CADM2: variants seen among roughly 807,000 people sequenced by gnomAD.
The protein encoded by CADM2 is cell adhesion molecule 2, also known as immunoglobulin superfamily member 4D.
In CADM2, 12 loss-of-function variants were observed where a neutral mutation model predicts 49.8. The observed-to-expected ratio is 0.24, with a 90% CI of 0.15 to 0.39. The LOEUF is 0.39. Ranked by LOEUF, CADM2 falls within the 10% of genes least tolerant of loss-of-function variation. CADM2 has a pLI of 1.00. For missense variants in CADM2, 378 were observed against 492.3 expected (o/e 0.77, Z 2.20); for synonymous variants, 214 against 175.4 (o/e 1.22, Z -1.74).
intron 1 of CADM2, among the ~76,000 whole-genome samples, chr3:85,375,962 C>T (rs1331117795): frequency 6.6e-6 from 1 of 152,070 alleles, no homozygotes; most frequent in Non-Finnish European, 1.5e-5. Context: ...AACCTAATAA[C>T]TAATAGTCAC....
intron 1 of CADM2, among the ~76,000 whole-genome samples, chr3:85,223,910 T>C (rs769829609): frequency 3.9e-5 from 6 of 152,192 alleles, no homozygotes; most frequent in Non-Finnish European, 7.3e-5. Context: ...GCTTCATCCA[T>C]GTCCCTGCAA....
chr3:85,233,705 T>G (rs2042350501), intron 1 of CADM2, among the ~76,000 whole-genome samples: 1 of 152,160 alleles, frequency 6.6e-6, no homozygotes, highest in South Asian at 2.1e-4. Context: ...TTATTTTTCT[T>G]TTGTTTATAA....
intron 1 of CADM2, among the ~76,000 whole-genome samples, chr3:85,102,777 G>A (rs765430622): frequency 8.6e-5 from 13 of 151,998 alleles, no homozygotes; most frequent in Non-Finnish European, 1.8e-4. Context: ...ATAAACTATC[G>A]AGAACTTCAG....
intron 3 of CADM2, among the ~76,000 whole-genome samples, chr3:85,860,177 T>A (rs1250207446): frequency 6.6e-6 from 1 of 152,176 alleles, no homozygotes; most frequent in African/African-American, 2.4e-5. Context: ...GGATACTATT[T>A]ACATACTTAG....
chr3:85,247,396 G>A (rs2042674354), intron 1 of CADM2, among the ~76,000 whole-genome samples: 1 of 152,068 alleles, frequency 6.6e-6, no homozygotes, highest in Admixed American at 6.6e-5. Flanking sequence ...CAGCATAACT[G>A]TTGTTTTAAG....
Position 85,518,158 on chromosome 3 carries a change from G to A in CADM2, c.62-208364G>A, listed in dbSNP as rs2060947953. 2.0e-5 allele frequency among the ~76,000 whole-genome samples: 3 copies of A among 152,062 alleles called. No individual in the cohort carries two copies. The South Asian group carries it at 6.2e-4, about 32-fold the overall frequency. On this transcript the variant is annotated intron_variant, in intron 1 of 9. Coordinates refer to ENST00000383699, the MANE Select transcript of CADM2 (RefSeq NM_001167675.2). ...GGTGCGCACCACCATACCTGCCTAA[G>A]TTTCATATTTTTAGTAGAGATGGGT... is the stretch of plus-strand genomic sequence containing the variant.
chr3:85,918,567 T>C (rs988310857), intron 6 of CADM2, among the ~76,000 whole-genome samples: 2 of 152,176 alleles, frequency 1.3e-5, no homozygotes, highest in African/African-American at 4.8e-5. Flanking sequence ...AGCATTTTAT[T>C]GAGGATTTTT....
chr3:85,156,061 G>T (rs971917441), intron 1 of CADM2, among the ~76,000 whole-genome samples: 17 of 152,132 alleles, frequency 1.1e-4, no homozygotes, highest in African/African-American at 4.1e-4. Flanking sequence ...ACAATTAAAA[G>T]AACTAGAAAA....
At chr3:85,216,220 A>T (rs1054520774) in intron 1 of CADM2, among the ~76,000 whole-genome samples, 6 of 150,240 alleles carry the variant, frequency 4.0e-5, no homozygotes, top group South Asian at 2.1e-4. Context: ...TGAAGAATAT[A>T]TTTGTAAATT....
intron 1 of CADM2, among the ~76,000 whole-genome samples, chr3:85,601,775 G>A (rs2063414447): frequency 6.6e-6 from 1 of 151,164 alleles, no homozygotes; most frequent in African/African-American, 2.4e-5. Context: ...CTATGCATTT[G>A]CAAGAGTGAT....
chr3:85,846,854 AC>A (rs1259288686), intron 3 of CADM2, among the ~76,000 whole-genome samples: 1 of 152,114 alleles, frequency 6.6e-6, no homozygotes, highest in African/African-American at 2.4e-5. Flanking sequence ...AGAGTAAGAT[AC>A]CATGTCTAAA....
At chr3:85,591,549 C>T (rs1293733311) in intron 1 of CADM2, among the ~76,000 whole-genome samples, 4 of 151,930 alleles carry the variant, frequency 2.6e-5, no homozygotes, top group African/African-American at 9.7e-5. Flanking sequence ...GAAGCTTTAG[C>T]AGCAACATTT....
chr3:86,038,303 A>G (rs953651488), intron 8 of CADM2, among the ~76,000 whole-genome samples: 9 of 152,196 alleles, frequency 5.9e-5, no homozygotes, highest in African/African-American at 2.2e-4. Context: ...GAACTCAGAA[A>G]ATAAAGAGCT....
At chr3:85,282,700 C>T (rs2043534583) in intron 1 of CADM2, among the ~76,000 whole-genome samples, 1 of 151,974 alleles carries the variant, frequency 6.6e-6, no homozygotes, top group African/African-American at 2.4e-5. Flanking sequence ...TTACAATATT[C>T]CTCAAAATGA....
intron 1 of CADM2, among the ~76,000 whole-genome samples, chr3:85,088,857 A>G (rs2107518630): frequency 6.6e-6 from 1 of 152,244 alleles, no homozygotes; most frequent in Admixed American, 6.5e-5. Flanking sequence ...TTTCATGATT[A>G]AGAAGTATTT....
In CADM2 at chr3:85,433,149, T is replaced by C. The variant is rs550489614; in HGVS notation, c.62-293373T>C. On this transcript the variant is annotated intron_variant, in intron 1 of 9. Transcript: ENST00000383699. ...TTTATTTCTGAGTCCTCTTTTTTTTTCTAAAAAGCAGGATTTTTAAAGCTA... is the reference window on the plus strand; with the variant it reads ...TTTATTTCTGAGTCCTCTTTTTTTTCCTAAAAAGCAGGATTTTTAAAGCTA... 2.8e-4 allele frequency among the ~76,000 whole-genome samples: 43 copies of C among 150,884 alleles called. No homozygotes were observed. The East Asian group carries it at 7.8e-3, about 27-fold the overall frequency.
chr3:85,180,514 GAAAAAAAAAA>G (rs58932967), intron 1 of CADM2, among the ~76,000 whole-genome samples: 1 of 77,308 alleles, frequency 1.3e-5, no homozygotes, highest in Non-Finnish European at 2.8e-5. Flanking sequence ...GTCTCAAAAA[GAAAAAAAAAA>G]AAAAAAAAAA....
chr3:85,665,002 T>G (rs561267363), intron 1 of CADM2, among the ~76,000 whole-genome samples: 2 of 152,164 alleles, frequency 1.3e-5, no homozygotes, highest in African/African-American at 4.8e-5. Flanking sequence ...TTTTTGTCTA[T>G]TTTGTTTACT....
chr3:85,405,419 T>C (rs1331292483), intron 1 of CADM2, among the ~76,000 whole-genome samples: 1 of 152,052 alleles, frequency 6.6e-6, no homozygotes, highest in Non-Finnish European at 1.5e-5. Flanking sequence ...GAGCCAGAGA[T>C]TGGAAGTAAC....
Sources: allele counts gnomAD v4.1 joint callset (sites outside exome capture counted in the v4.1 genomes callset), GRCh38; gene constraint gnomAD v4.1.1; transcripts MANE v1.5; gene names NCBI Gene and HGNC (gene_info 2026-07-23, HGNC 2026-07-21).